The following FSTL5 variants were observed in gnomAD, a reference collection of about 807,000 sequenced individuals.
FSTL5 encodes follistatin like 5, also known as follistatin-related protein 5.
A neutral mutation model predicts 89.1 loss-of-function variants in FSTL5; 62 were observed. The observed-to-expected ratio is 0.70, with a 90% confidence interval of 0.57 to 0.86. The LOEUF (loss-of-function observed/expected upper bound fraction) is 0.86. Ranked by LOEUF, FSTL5 falls within the 40% of genes least tolerant of loss-of-function variation. FSTL5 has a pLI of 0.00. For synonymous variants in FSTL5, 383 were observed against 346.2 expected (o/e 1.11, Z -1.18); for missense variants, 1,057 against 1,001.6 (o/e 1.06, Z -0.75).
At chr4:161,918,618 C>A (rs894794998) in intron 4 of FSTL5, among the ~76,000 whole-genome samples, 5 of 151,916 alleles carry the variant, frequency 3.3e-5, no homozygotes, top group Non-Finnish European at 7.4e-5. Context: ...ATACAACAAA[C>A]TATTTTCCCA....
At chr4:161,942,821 T>C (rs1449780905) in intron 3 of FSTL5, among the ~76,000 whole-genome samples, 4 of 152,206 alleles carry the variant, frequency 2.6e-5, no homozygotes, top group Middle Eastern at 3.4e-3. Flanking sequence ...CTAAAAGATC[T>C]AGACAAAGCA....
At chr4:161,946,252 G>A (rs1196147154) in intron 3 of FSTL5, among the ~76,000 whole-genome samples, 1 of 152,076 alleles carries the variant, frequency 6.6e-6, no homozygotes, top group Non-Finnish European at 1.5e-5. Context: ...TGTGAACTTT[G>A]AGTCATAGTG....
At chr4:161,991,773 C>T (rs113107595) in intron 3 of FSTL5, among the ~76,000 whole-genome samples, 8,370 of 152,108 alleles carry the variant, frequency 0.055, 267 homozygotes, top group Non-Finnish European at 0.077. Context: ...TGACTGCCTA[C>T]AGTTTGTTAG....
intron 6 of FSTL5, among the ~76,000 whole-genome samples, chr4:161,690,583 A>G (rs1267851454): frequency 2.0e-5 from 3 of 152,076 alleles, no homozygotes; most frequent in Non-Finnish European, 4.4e-5. Flanking sequence ...CAGACATATG[A>G]TTTGTAAATA....
chr4:161,420,330 G>A (rs1731938423), intron 15 of FSTL5, among the ~76,000 whole-genome samples: 1 of 152,158 alleles, frequency 6.6e-6, no homozygotes, highest in South Asian at 2.1e-4. Flanking sequence ...ACAAGGACTA[G>A]CAATTGTCAT....
At chr4:161,852,633 A>C (rs1185552719) in intron 4 of FSTL5, among the ~76,000 whole-genome samples, 1 of 152,206 alleles carries the variant, frequency 6.6e-6, no homozygotes, top group African/African-American at 2.4e-5. Flanking sequence ...AAGAATATAA[A>C]TCATTCTATT....
intron 3 of FSTL5, among the ~76,000 whole-genome samples, chr4:162,028,972 A>G (rs1232863353): frequency 6.6e-6 from 1 of 152,146 alleles, no homozygotes; most frequent in African/African-American, 2.4e-5. Context: ...GGAGTTCACT[A>G]TTTCCATTCT....
chr4:162,015,030 A>T (rs1477384668), intron 3 of FSTL5, among the ~76,000 whole-genome samples: 1 of 152,200 alleles, frequency 6.6e-6, no homozygotes, highest in African/African-American at 2.4e-5. Context: ...TTCCTAGTGC[A>T]AACTTTCAGA....
At chr4:162,036,138 C>T (rs190632610) in intron 2 of FSTL5, among the ~76,000 whole-genome samples, 1 of 152,154 alleles carries the variant, frequency 6.6e-6, no homozygotes, top group Non-Finnish European at 1.5e-5. Flanking sequence ...CCTTAAGTCT[C>T]GTTCTATTGC....
chr4:161,603,903 A>G (rs1012317547), intron 7 of FSTL5, among the ~76,000 whole-genome samples: 3 of 152,174 alleles, frequency 2.0e-5, no homozygotes, highest in Admixed American at 2.0e-4. Context: ...TGCATTTTTT[A>G]CCTGGCTAAG....
chr4:161,992,895 T>C (rs1203139887), intron 3 of FSTL5, among the ~76,000 whole-genome samples: 10 of 8,762 alleles, frequency 1.1e-3, no homozygotes, highest in Non-Finnish European at 5.3e-3. Flanking sequence ...TATATATATA[T>C]ATGTGTGTGT....
chr4:161,577,473 C>CAAAAAAAAAAAAAAAAAAAGAAAA (rs544029134), intron 8 of FSTL5, among the ~76,000 whole-genome samples: 1 of 110,224 alleles, frequency 9.1e-6, no homozygotes, highest in African/African-American at 3.5e-5. Context: ...AGAAAAAAGA[C>CAAAAAAAAAAAAAAAAAAAGAAAA]AAAAAAAAAA....
chr4:162,147,817 A>T lies in FSTL5; in HGVS notation c.-17+15798T>A, dbSNP rs74612255. 8.9e-3 allele frequency among the ~76,000 whole-genome samples: 1,352 copies of T among 152,104 alleles called. 15 individuals carry two copies. Among genetic ancestry groups the T allele is most frequent in the East Asian group, 0.039 (199 of 5,146 alleles). Reference sequence around the variant, plus strand: ...CAAGAGGTCAGGAGTTCGAGACCAGACGTTGGTGAAACCCCATCTCTACTA... The same window carrying T: ...CAAGAGGTCAGGAGTTCGAGACCAGTCGTTGGTGAAACCCCATCTCTACTA... On this transcript the variant is annotated intron_variant, in intron 1 of 15. Transcript: ENST00000306100.
intron 3 of FSTL5, among the ~76,000 whole-genome samples, chr4:162,021,787 G>T (rs968214063): frequency 6.6e-6 from 1 of 151,952 alleles, no homozygotes. Flanking sequence ...GTAGGAGTTT[G>T]CTGGGTAAGA....
intron 15 of FSTL5, among the ~76,000 whole-genome samples, chr4:161,451,893 G>A (rs1733178327): frequency 6.6e-6 from 1 of 152,022 alleles, no homozygotes; most frequent in South Asian, 2.1e-4. Flanking sequence ...TGGTTTTTAG[G>A]CACTAAGAAT....
chr4:161,812,879 CAAAAAAAAAAAAAA>C (rs35183730), intron 4 of FSTL5, among the ~76,000 whole-genome samples: 10 of 41,564 alleles, frequency 2.4e-4, no homozygotes, highest in Admixed American at 9.9e-4. Context: ...TAAATCCCAG[CAAAAAAAAAAAAAA>C]AAAAAAAAAA....
intron 2 of FSTL5, among the ~76,000 whole-genome samples, chr4:162,035,937 T>G (rs1305051701): frequency 6.6e-6 from 1 of 152,080 alleles, no homozygotes; most frequent in South Asian, 2.1e-4. Context: ...GATAGAGATA[T>G]GTACTTATTC....
chr4:162,140,430 A>T (rs1013629470), intron 1 of FSTL5, among the ~76,000 whole-genome samples: 1 of 152,220 alleles, frequency 6.6e-6, no homozygotes, highest in Non-Finnish European at 1.5e-5. Flanking sequence ...TTGAATCTTT[A>T]CAACAGTAAA....
rs1026321239 is a variant in FSTL5, at chr4:161,386,121, T to G, written c.2170A>C (p.Arg724=). Residue 724 remains arginine, a synonymous_variant, in exon 16 of 16, where the codon AGA becomes CGA. Coordinates refer to ENST00000306100, the MANE Select transcript of FSTL5 (RefSeq NM_020116.5). The stretch of plus-strand genomic sequence containing the variant: ...TCAAAAGCCTCCTGTATTTCTCCTC[T>G]GATGGTAATGTACTGAACCCTTACA... ...GLVRVQYITI[R]GEIQEAFDIY... The G allele has an allele frequency of 5.6e-6, 9 of 1,613,920 alleles. No homozygotes were observed. In the African/African-American group the frequency reaches 1.1e-4, roughly 19 times the overall value.
Sources: gnomAD v4.1 joint callset for allele counts (sites outside exome capture counted in the v4.1 genomes callset) on GRCh38, gnomAD v4.1.1 for gene constraint, MANE v1.5 for transcripts, NCBI Gene and HGNC (gene_info 2026-07-23, HGNC 2026-07-21) for gene names.